Variants in TSC22D2 observed in about 807,000 individuals in gnomAD.
The protein encoded by TSC22D2 is TSC22 domain family protein 2.
Under a neutral mutation model 50.1 loss-of-function variants are expected in TSC22D2, and 5 were observed. The ratio of observed to expected loss-of-function variants is 0.10; its 90% CI spans 0.05 to 0.21. The LOEUF (loss-of-function observed/expected upper bound fraction) is 0.21, where lower values mean the gene tolerates loss of function less well. Among genes scored for constraint, TSC22D2 ranks in the 10% least tolerant of loss-of-function variants. The pLI, the probability that TSC22D2 is intolerant of heterozygous loss-of-function variation, is 1.00. For synonymous variants in TSC22D2, 501 were observed against 450.1 expected, an observed-to-expected ratio of 1.11 and a Z score of -1.43; for missense variants, 1,003 against 1,015.5, an observed-to-expected ratio of 0.99 and a Z score of 0.17.
chr3:150,445,861 C>T (rs1178798501), intron 1 of TSC22D2, among the ~76,000 whole-genome samples: 2 of 151,910 alleles, frequency 1.3e-5, no homozygotes, highest in African/African-American at 2.4e-5. Context: ...TTTGGGAGGC[C>T]GAGACAGGTG....
At chr3:150,442,456 T>G (rs1381222668) in intron 1 of TSC22D2, among the ~76,000 whole-genome samples, 3 of 152,252 alleles carry the variant, frequency 2.0e-5, no homozygotes, top group Non-Finnish European at 4.4e-5. Context: ...GAGACAAGAC[T>G]CAAATGTAGG....
Position 150,444,839 on chromosome 3 carries a change from A to G in TSC22D2, c.1959-12237A>G, listed in dbSNP as rs185030813. On this transcript the variant is annotated intron_variant, in intron 1 of 2. Transcript: ENST00000688009. ...AAAACCTAATGACCCTTTAGATTTT[A>G]TAGTAGTGCTATTTTTTACTTTATG... Among the ~76,000 whole-genome samples the G allele has an allele frequency of 1.1e-4, 16 of 152,318 alleles. No homozygotes were observed. The East Asian group carries it at 2.1e-3, about 20-fold the overall frequency.
chr3:150,462,427 G>A lies in TSC22D2; in HGVS notation c.*3791G>A, dbSNP rs1316239327. ...GCACAATTCCAGTGGCAGATGGGAG[G>A]TAGGTTAGAGTAGCTGAAACTGGAA... is the stretch of plus-strand genomic sequence containing the variant. On this transcript the variant is annotated 3_prime_UTR_variant, in exon 3 of 3. Transcript: ENST00000688009. The A allele has an allele frequency of 8.2e-6, 1 of 122,000 alleles. No homozygotes were observed. Among genetic ancestry groups the A allele is most frequent in the African/African-American group, 2.6e-5 (1 of 38,418 alleles). The allele number at this position is 122,000 out of a possible 1,614,324, so 7.6% of individuals were successfully genotyped here. A position where few individuals can be genotyped will look rare whatever the true frequency, so the allele number is the denominator to read the frequency against.
intron 1 of TSC22D2, among the ~76,000 whole-genome samples, chr3:150,440,848 A>C (rs994683397): frequency 6.6e-6 from 1 of 151,914 alleles, no homozygotes; most frequent in South Asian, 2.1e-4. Context: ...CCTGTTTTTA[A>C]GTATTAATAA....
chr3:150,413,757 C>T (rs1719682537), intron 1 of TSC22D2, among the ~76,000 whole-genome samples: 1 of 151,902 alleles, frequency 6.6e-6, no homozygotes, highest in South Asian at 2.1e-4. Flanking sequence ...TTAAAATCTG[C>T]ATGTTTTCAA....
Position 150,463,459 on chromosome 3 carries a change from G to C in TSC22D2, c.*4823G>C, listed in dbSNP as rs1191672666. On this transcript the variant is annotated 3_prime_UTR_variant, in exon 3 of 3. Transcript: ENST00000688009. ...AGCAATAGTAATAGTTTATTATTTA[G>C]TGATGTATACTTGCACCCCATTTAC... 6.6e-6 allele frequency: 1 copy of C among 152,102 alleles called. No homozygotes were observed. The highest frequency in any genetic ancestry group is 1.5e-5 in the Non-Finnish European group (1 of 68,012). The allele number at this position is 152,102 out of a possible 1,614,324, so 9.4% of individuals were successfully genotyped here.
chr3:150,434,915 C>T (rs781642656), intron 1 of TSC22D2, among the ~76,000 whole-genome samples: 3 of 152,082 alleles, frequency 2.0e-5, no homozygotes, highest in Non-Finnish European at 2.9e-5. Flanking sequence ...TATCTTGGCT[C>T]AACCACAGAT....
At chr3:150,426,946 G>A (rs1576546852) in intron 1 of TSC22D2, among the ~76,000 whole-genome samples, 1 of 152,064 alleles carries the variant, frequency 6.6e-6, no homozygotes, top group South Asian at 2.1e-4. Context: ...TGTAGGGAAC[G>A]CCTTCCAGTA....
Position 150,461,859 on chromosome 3 carries a change from A to G in TSC22D2, c.*3223A>G, listed in dbSNP as rs2108112615. 1 of 152,204 alleles carries G rather than the reference A, an allele frequency of 6.6e-6. No homozygotes were observed. The highest frequency in any genetic ancestry group is 1.9e-4 in the East Asian group (1 of 5,186). 9.4% of individuals were successfully genotyped at this position (152,204 alleles called of 1,614,324 possible). A position where few individuals can be genotyped will look rare whatever the true frequency, so the allele number is the denominator to read the frequency against. On this transcript the variant is annotated 3_prime_UTR_variant, in exon 3 of 3. Coordinates refer to ENST00000688009, the MANE Select transcript of TSC22D2 (RefSeq NM_001303264.2). Reference sequence around the variant, plus strand: ...AATTCATGGACCTTTTTTTAAAAAAAAAAAAAGTCTTAATAGAACCAGAAT... The same window carrying G: ...AATTCATGGACCTTTTTTTAAAAAAGAAAAAAGTCTTAATAGAACCAGAAT...
At chr3:150,444,123 G>T (rs1720804230) in intron 1 of TSC22D2, among the ~76,000 whole-genome samples, 1 of 152,070 alleles carries the variant, frequency 6.6e-6, no homozygotes. Flanking sequence ...GTAACAACCA[G>T]ATGCAAGGAA....
rs1409989457 is a variant in TSC22D2, at chr3:150,464,789, T to G, written c.*6153T>G. On this transcript the variant is annotated 3_prime_UTR_variant, in exon 3 of 3. Transcript: ENST00000688009. Reference sequence around the variant, plus strand: ...ACCTCGACATCGAGCCTATGAAGTATTCCCTAAAAAAGAGGAACTAATCTG... The same window carrying G: ...ACCTCGACATCGAGCCTATGAAGTAGTCCCTAAAAAAGAGGAACTAATCTG... 8 of 152,198 alleles carry G rather than the reference T, an allele frequency of 5.3e-5. No individual in the cohort carries two copies. The highest frequency in any genetic ancestry group is 1.7e-4 in the African/African-American group (7 of 41,454). The allele number at this position is 152,198 out of a possible 1,614,324, so 9.4% of individuals were successfully genotyped here. A position where few individuals can be genotyped will look rare whatever the true frequency, so the allele number is the denominator to read the frequency against.
At chr3:150,449,849 T>C (rs1720989290) in intron 1 of TSC22D2, among the ~76,000 whole-genome samples, 1 of 152,110 alleles carries the variant, frequency 6.6e-6, no homozygotes, top group Non-Finnish European at 1.5e-5. Flanking sequence ...GTATTTTTAT[T>C]TTATGATTCA....
rs1719413634 is a variant in TSC22D2 at position 150,409,488 on chromosome 3, C to T, written c.138C>T (p.Ser46=). Reference sequence around the variant, plus strand: ...AGTCACGCACAGAGGACGTCTCCTCCGAGATTTTCGACGTCTCTCGGGCCA... The same window carrying T: ...AGTCACGCACAGAGGACGTCTCCTCTGAGATTTTCGACGTCTCTCGGGCCA... ...PDESRTEDVS[S]EIFDVSRATD... is the part of the protein sequence containing the mutation. The change falls in exon 1 of 3, where the codon TCC becomes TCT. Residue 46 remains serine (S), a synonymous_variant. Transcript: ENST00000688009. The surrounding 1 kb of genome is among the most constrained non-coding windows in gnomAD (Gnocchi z 7.4). 1.9e-6 allele frequency: 3 copies of T among 1,613,108 alleles called. No individual in the cohort carries two copies. The highest frequency in any genetic ancestry group is 2.7e-5 in the African/African-American group (2 of 74,892).
chr3:150,444,711 G>C (rs1720823958), intron 1 of TSC22D2, among the ~76,000 whole-genome samples: 1 of 152,102 alleles, frequency 6.6e-6, no homozygotes. Context: ...TTACCTAAAA[G>C]AATTCAAGGA....
chr3:150,458,705 C>A lies in TSC22D2; in HGVS notation c.*69C>A. On this transcript the variant is annotated 3_prime_UTR_variant, in exon 3 of 3. Coordinates refer to ENST00000688009, the MANE Select transcript of TSC22D2 (RefSeq NM_001303264.2). ...TCCTTGTGTGCCACTGGTGTTCTTT[C>A]CACTTTATACGAAAGCAAGTAGCCA... The A allele has an allele frequency of 6.4e-7, 1 of 1,569,884 alleles. No homozygotes were observed. The highest frequency in any genetic ancestry group is 1.2e-5 in the South Asian group (1 of 84,158).
chr3:150,443,766 A>C (rs1720791116), intron 1 of TSC22D2, among the ~76,000 whole-genome samples: 1 of 152,260 alleles, frequency 6.6e-6, no homozygotes, highest in Non-Finnish European at 1.5e-5. Flanking sequence ...CTGAGAGAAC[A>C]CATAGATACT....
intron 1 of TSC22D2, among the ~76,000 whole-genome samples, chr3:150,417,975 T>G (rs1021567115): frequency 4.6e-5 from 7 of 152,070 alleles, no homozygotes; most frequent in African/African-American, 1.7e-4. Flanking sequence ...TTTTGAGACT[T>G]TGTCAAATTT....
chr3:150,410,430 T>A lies in TSC22D2; in HGVS notation c.1080T>A (p.Pro360=). ...AGCAGCCCCAGCAGTTCGCGTATCC[T>A]CAGCCTCAGATACCGCCCGGACATT... is the stretch of plus-strand genomic sequence containing the variant. ...AAQQPQQFAY[P]QPQIPPGHLL... The change falls in exon 1 of 3, where the codon CCT becomes CCA. Residue 360 remains proline, a synonymous_variant. Coordinates refer to ENST00000688009, the MANE Select transcript of TSC22D2 (RefSeq NM_001303264.2). 1 of 1,609,328 alleles carries A rather than the reference T, an allele frequency of 6.2e-7. No homozygotes were observed. The highest frequency in any genetic ancestry group is 8.5e-7 in the Non-Finnish European group (1 of 1,178,644).
intron 1 of TSC22D2, among the ~76,000 whole-genome samples, chr3:150,441,608 G>C (rs1309374010): frequency 6.6e-6 from 1 of 152,106 alleles, no homozygotes; most frequent in Non-Finnish European, 1.5e-5. Context: ...TAAATAATTT[G>C]CTGGGTGTGG....
Sources: allele counts gnomAD v4.1 joint callset (sites outside exome capture counted in the v4.1 genomes callset), GRCh38; gene constraint gnomAD v4.1.1; non-coding constraint Gnocchi (gnomAD v3.1); transcripts MANE v1.5; gene names NCBI Gene and HGNC (gene_info 2026-07-23, HGNC 2026-07-21).